ZFHX3: variants seen among roughly 807,000 people sequenced by gnomAD.
The protein encoded by ZFHX3 is zinc finger homeobox protein 3.
Under a neutral mutation model 279.1 loss-of-function variants are expected in ZFHX3, and 42 were observed. That is an observed-to-expected ratio of 0.15 (90% CI 0.12 to 0.19). The LOEUF (loss-of-function observed/expected upper bound fraction) is 0.19, where lower values mean the gene tolerates loss of function less well. Among genes scored for constraint, ZFHX3 ranks in the 10% least tolerant of loss-of-function variants. The pLI is 1.00. For missense variants in ZFHX3, 4,981 were observed against 4,754.0 expected (o/e 1.05, Z -1.40); for synonymous variants, 2,293 against 1,957.8 (o/e 1.17, Z -4.52).
At chr16:73,704,910 C>T (rs1196762005) in intron 1 of ZFHX3, among the ~76,000 whole-genome samples, 1 of 152,190 alleles carries the variant, frequency 6.6e-6, no homozygotes, top group African/African-American at 2.4e-5. Context: ...ATTGTGCTGG[C>T]AACGGGTTCT....
intron 2 of ZFHX3, among the ~76,000 whole-genome samples, chr16:73,672,266 C>T (rs1215865244): frequency 2.6e-5 from 4 of 152,104 alleles, no homozygotes; most frequent in East Asian, 1.9e-4. Context: ...GGAACAAGAT[C>T]GTTCTGGGAA....
chr16:72,787,805 C>T lies in ZFHX3; in HGVS notation c.10471G>A (p.Gly3491Ser), dbSNP rs937868000. Residue 3491 changes from glycine to serine, a missense_variant, in exon 10 of 10, where the codon GGC (glycine) becomes AGC (serine). Coordinates refer to ENST00000268489, the MANE Select transcript of ZFHX3 (RefSeq NM_006885.4). ...RSHLKSLCFF[G>S]QSVVNLQEMV... ...TCTTGCAGGTTCACCACAGACTGGC[C>T]GAAGAAGCAGAGGGACTTCAGGTGG... 9 of 1,613,282 alleles carry T rather than the reference C, an allele frequency of 5.6e-6. No homozygotes were observed. Among genetic ancestry groups the T allele is most frequent in the East Asian group, 2.2e-5 (1 of 44,824 alleles).
chr16:73,133,198 G>A (rs571966456), intron 6 of ZFHX3, among the ~76,000 whole-genome samples: 1 of 152,324 alleles, frequency 6.6e-6, no homozygotes, highest in South Asian at 2.1e-4. Flanking sequence ...ATCCCAGAAT[G>A]TGACTGTATT....
At chr16:73,543,156 C>T (rs1040287204) in intron 2 of ZFHX3, among the ~76,000 whole-genome samples, 16 of 152,170 alleles carry the variant, frequency 1.1e-4, no homozygotes, top group African/African-American at 3.9e-4. Context: ...TAACATTCCT[C>T]TGCTGAGGTT....
chr16:73,425,449 G>A (rs75870834), intron 3 of ZFHX3, among the ~76,000 whole-genome samples: 1,999 of 152,246 alleles, frequency 0.013, 51 homozygotes, highest in African/African-American at 0.045. Context: ...AATTCTAAGG[G>A]CATGAAACCT....
chr16:73,680,279 A>G (rs2052996980), intron 1 of ZFHX3: 1 of 152,200 alleles, frequency 6.6e-6, no homozygotes, highest in Admixed American at 6.5e-5. Flanking sequence ...GAAAAGATCT[A>G]GAAAAATATC....
Position 72,787,090 on chromosome 16 carries a change from G to T in ZFHX3, c.*74C>A. On this transcript the variant is annotated 3_prime_UTR_variant, in exon 10 of 10. Coordinates refer to ENST00000268489, the MANE Select transcript of ZFHX3 (RefSeq NM_006885.4). ...GTTAGAAGCTTTGGAATTGCAGTTAGTCTATTTTTGAAATTGGTTTGTTAT... is the reference window on the plus strand; with the variant it reads ...GTTAGAAGCTTTGGAATTGCAGTTATTCTATTTTTGAAATTGGTTTGTTAT... 2.3e-5 allele frequency: 25 copies of T among 1,090,618 alleles called. No individual in the cohort carries two copies. Among genetic ancestry groups the T allele is most frequent in the Non-Finnish European group, 3.0e-5 (25 of 835,698 alleles). 67.6% of individuals were successfully genotyped at this position (1,090,618 alleles called of 1,614,324 possible).
chr16:73,623,592 G>T (rs910381425), intron 2 of ZFHX3, among the ~76,000 whole-genome samples: 1 of 152,196 alleles, frequency 6.6e-6, no homozygotes, highest in African/African-American at 2.4e-5. Flanking sequence ...CCCTAAAATG[G>T]AGGTAATAGG....
intron 5 of ZFHX3, among the ~76,000 whole-genome samples, chr16:73,230,876 G>T (rs1409788288): frequency 6.6e-6 from 1 of 152,230 alleles, no homozygotes; most frequent in Admixed American, 6.5e-5. Flanking sequence ...AAAGCAGACA[G>T]CTCTTTTCAG....
At chr16:73,787,599 G>T (rs1162231099) in intron 1 of ZFHX3, among the ~76,000 whole-genome samples, 1 of 152,160 alleles carries the variant, frequency 6.6e-6, no homozygotes, top group Non-Finnish European at 1.5e-5. Flanking sequence ...TCCTAGGAAT[G>T]AAGGGAAATA....
intron 2 of ZFHX3, among the ~76,000 whole-genome samples, chr16:73,502,109 TG>T (rs1244928387): frequency 4.0e-5 from 6 of 150,792 alleles, no homozygotes; most frequent in Non-Finnish European, 8.9e-5. Flanking sequence ...TAATCGGGGG[TG>T]GGGGAAAAAA....
intron 2 of ZFHX3, among the ~76,000 whole-genome samples, chr16:73,629,453 C>A (rs1045703120): frequency 3.3e-5 from 5 of 151,904 alleles, no homozygotes; most frequent in African/African-American, 9.7e-5. Context: ...ACCTCTACAC[C>A]CAAATCGAAA....
Position 72,959,628 on chromosome 16 carries a change from G to A in ZFHX3, c.518C>T (p.Ser173Phe), listed in dbSNP as rs766318192. ...SGPLPSLFLN[S>F]LPGAGGKQGD... ...TTGCTTGCCCCCCGCGCCAGGGAGA[G>A]AGTTCAGGAAAAGCGAGGGGAGAGG... Residue 173 changes from serine (S) to phenylalanine (F), a missense_variant, in exon 2 of 10, where the codon TCT becomes TTT. Ser to Phe is a radical substitution (Grantham distance 155). Coordinates refer to ENST00000268489, the MANE Select transcript of ZFHX3 (RefSeq NM_006885.4). The A allele has an allele frequency of 6.2e-7, 1 of 1,614,112 alleles. No individual in the cohort carries two copies. The highest frequency in any genetic ancestry group is 8.5e-7 in the Non-Finnish European group (1 of 1,180,024).
At chr16:73,019,341 T>TGC (rs1291983590) in intron 1 of ZFHX3, among the ~76,000 whole-genome samples, 1 of 111,814 alleles carries the variant, frequency 8.9e-6, no homozygotes, top group Non-Finnish European at 1.9e-5. Flanking sequence ...TGTGTGTCTG[T>TGC]GCGTGTGTGT....
At chr16:73,486,510 C>T (rs772617381) in intron 2 of ZFHX3, among the ~76,000 whole-genome samples, 2 of 152,238 alleles carry the variant, frequency 1.3e-5, no homozygotes, top group African/African-American at 2.4e-5. Context: ...AACAGTATCA[C>T]TTGATAACAG....
At chr16:73,159,359 C>T (rs1276452138) in intron 5 of ZFHX3, among the ~76,000 whole-genome samples, 1 of 151,992 alleles carries the variant, frequency 6.6e-6, no homozygotes. Flanking sequence ...CTCTCACAGA[C>T]TCTGGTCTGG....
Position 72,918,764 on chromosome 16 carries a change from C to T in ZFHX3, c.3217-28802G>A, listed in dbSNP as rs1168343894. Among the ~76,000 whole-genome samples the T allele has an allele frequency of 4.0e-5, 6 of 150,476 alleles. No homozygotes were observed. The South Asian group carries it at 1.1e-3, about 26-fold the overall frequency. On this transcript the variant is annotated intron_variant, in intron 3 of 9. Transcript: ENST00000268489. ...AGGCTGGAGCGCAGTGGTGAAATCTCGGCTCACTGCAAGCTCTGCCTCCCG... is the reference window on the plus strand; with the variant it reads ...AGGCTGGAGCGCAGTGGTGAAATCTTGGCTCACTGCAAGCTCTGCCTCCCG...
intron 1 of ZFHX3, among the ~76,000 whole-genome samples, chr16:73,816,633 G>A (rs192821821): frequency 6.6e-6 from 1 of 152,166 alleles, no homozygotes; most frequent in African/African-American, 2.4e-5. Context: ...AAGAGATGGG[G>A]GGGGAGAGAA....
At chr16:72,837,157 G>C (rs1597293311) in intron 4 of ZFHX3, among the ~76,000 whole-genome samples, 1 of 152,136 alleles carries the variant, frequency 6.6e-6, no homozygotes, top group East Asian at 1.9e-4. Flanking sequence ...CTCCCTCCAG[G>C]GGCGCCATTG....
Sources: allele counts gnomAD v4.1 joint callset (sites outside exome capture counted in the v4.1 genomes callset), GRCh38; gene constraint gnomAD v4.1.1; transcripts MANE v1.5; gene names NCBI Gene and HGNC (gene_info 2026-07-23, HGNC 2026-07-21).